USP40: variants seen among roughly 807,000 people sequenced by gnomAD.
The protein encoded by USP40 is ubiquitin specific peptidase 40.
A neutral mutation model predicts 166.2 loss-of-function variants in USP40; 143 were observed. The observed-to-expected ratio is 0.86, with a 90% confidence interval of 0.75 to 0.99. The LOEUF (loss-of-function observed/expected upper bound fraction) is 0.99, where lower values mean the gene tolerates loss of function less well. Ranked by LOEUF, USP40 falls within the 50% of genes least tolerant of loss-of-function variation. The pLI is 0.00. For synonymous variants in USP40, 498 were observed against 524.0 expected, an observed-to-expected ratio of 0.95 and a Z score of 0.68; for missense variants, 1,444 against 1,479.7, an observed-to-expected ratio of 0.98 and a Z score of 0.40.
intron 19 of USP40, chr2:233,512,263 G>A (rs1240949513): frequency 3.5e-5 from 7 of 199,438 alleles, no homozygotes; most frequent in Non-Finnish European, 5.0e-5. Flanking sequence ...AATTGGTATC[G>A]CAATAAAATT....
chr2:233,508,555 C>A (rs1428749318), intron 21 of USP40, among the ~76,000 whole-genome samples: 1 of 152,086 alleles, frequency 6.6e-6, no homozygotes, highest in Non-Finnish European at 1.5e-5. Flanking sequence ...GGGTATTGTT[C>A]TGAATTTCTA....
In USP40 at chr2:233,554,614, GAT is replaced by G. The variant is rs1203026884; in HGVS notation, c.547-90_547-89del. 17 of 1,054,048 alleles carry G rather than the reference GAT, an allele frequency of 1.6e-5. No individual in the cohort carries two copies. The East Asian group carries it at 4.5e-4, about 28-fold the overall frequency. 65.3% of individuals were successfully genotyped at this position (1,054,048 alleles called of 1,614,324 possible). On this transcript the variant is annotated intron_variant, in intron 5 of 31. Transcript: ENST00000678225. Reference sequence around the variant, plus strand: ...CTCACATATATATTGGGAATAATCAGATATATGTTTTCTAAAACATTACAAAT... The same window carrying G: ...CTCACATATATATTGGGAATAATCAGATATGTTTTCTAAAACATTACAAAT...
At chr2:233,537,900 A>G (rs1027420906) in intron 10 of USP40, among the ~76,000 whole-genome samples, 1 of 152,162 alleles carries the variant, frequency 6.6e-6, no homozygotes, top group Non-Finnish European at 1.5e-5. Context: ...AATACGAAAC[A>G]CTATTCTTTC....
At chr2:233,511,643 G>A (rs1009432323) in intron 20 of USP40, 66 bp downstream of exon 20, 1 of 1,234,288 alleles carries the variant, frequency 8.1e-7, no homozygotes, top group Non-Finnish European at 1.1e-6. Flanking sequence ...GAGTAGCTAA[G>A]GTACTAGTTA....
chr2:233,540,566 C>A, intron 10 of USP40, 96 bp downstream of exon 10: 1 of 695,152 alleles, frequency 1.4e-6, no homozygotes, highest in South Asian at 2.3e-5. Flanking sequence ...TTATTTTCAC[C>A]TATTTTAAAT....
At chr2:233,488,921 A>G (rs534870379) in intron 27 of USP40, among the ~76,000 whole-genome samples, 2 of 152,252 alleles carry the variant, frequency 1.3e-5, no homozygotes, top group African/African-American at 2.4e-5. Context: ...GAAAAGAAAG[A>G]AAAGGAAAGA....
At chr2:233,516,687 C>CGAATTG (rs2067220814) in intron 18 of USP40, among the ~76,000 whole-genome samples, 1 of 109,122 alleles carries the variant, frequency 9.2e-6, no homozygotes. Context: ...GACTCCATCT[C>CGAATTG]AAAAAAAAAA....
In USP40 at chr2:233,549,108, T is replaced by G. The variant is rs748597775; in HGVS notation, c.959A>C (p.Gln320Pro). 74 of 1,596,310 alleles carry G rather than the reference T, an allele frequency of 4.6e-5. No homozygotes were observed. In the East Asian group the frequency reaches 1.6e-3, roughly 34 times the overall value. Reference sequence around the variant, plus strand: ...ACGAATTTCTATACGTACTTGAAACTGCCAGTTTCCCAAATGATCAACATC... The same window carrying G: ...ACGAATTTCTATACGTACTTGAAACGGCCAGTTTCCCAAATGATCAACATC... ...IKDVDHLGNW[Q>P]FQEEKSKPDV... Residue 320 changes from glutamine to proline, a missense_variant, in exon 8 of 32, where the codon CAG becomes CCG. By Grantham distance (76) the Gln-to-Pro change is moderately conservative. Transcript: ENST00000678225.
At chr2:233,517,394 T>TG (rs979093942) in intron 18 of USP40, among the ~76,000 whole-genome samples, 2 of 147,904 alleles carry the variant, frequency 1.4e-5, no homozygotes, top group African/African-American at 2.5e-5. Context: ...TTGTTTTTTT[T>TG]TTTTTTTTGA....
chr2:233,518,210 T>G (rs531593519), intron 18 of USP40, among the ~76,000 whole-genome samples: 7 of 87,508 alleles, frequency 8.0e-5, no homozygotes, highest in East Asian at 2.5e-4. Flanking sequence ...TCAAAATATG[T>G]TTTTTTTTTT....
At chr2:233,525,411 T>C in intron 14 of USP40, 67 bp downstream of exon 14, 1 of 1,178,264 alleles carries the variant, frequency 8.5e-7, no homozygotes, top group Non-Finnish European at 1.3e-6. Flanking sequence ...GAGTAGAAAA[T>C]CGCAGGTGAG....
rs185435976 is a variant in USP40, at chr2:233,486,239, C to T, written c.3198-262G>A. ...GACGTGGTAGGGAACTTCCTCAGTG[C>T]GGGAGAAAAGGAAAGAGGTGGCGGC... On this transcript the variant is annotated intron_variant, in intron 28 of 31. Transcript: ENST00000678225. This position sits in a 1 kb window ranked among gnomAD's most constrained non-coding sequence, Gnocchi z 4.0. Among the ~76,000 whole-genome samples, 3 of 152,122 alleles carry T rather than the reference C, an allele frequency of 2.0e-5. No individual in the cohort carries two copies. The highest frequency in any genetic ancestry group is 1.9e-4 in the East Asian group (1 of 5,178).
chr2:233,519,714 G>A (rs1575279767), intron 17 of USP40, 43 bp from the exon 18 acceptor site: 1 of 1,121,088 alleles, frequency 8.9e-7, no homozygotes, highest in Non-Finnish European at 1.3e-6. Context: ...GTAAAAAATG[G>A]GAGGAGATGA....
intron 10 of USP40, among the ~76,000 whole-genome samples, 164 bp downstream of exon 10, chr2:233,540,494 CAGTA>C (rs1190133323): frequency 3.3e-5 from 5 of 152,232 alleles, no homozygotes; most frequent in Middle Eastern, 3.4e-3. Context: ...ATAAATAACT[CAGTA>C]AGTAATACTT....
chr2:233,510,273 C>G (rs112698724), intron 20 of USP40, 138 bp from the exon 21 acceptor site: 1 of 632,062 alleles, frequency 1.6e-6, no homozygotes, highest in African/African-American at 1.9e-5. Flanking sequence ...GAAAATACGA[C>G]TATGATTAAT....
At chr2:233,494,526 T>C (rs2065541338) in intron 24 of USP40, among the ~76,000 whole-genome samples, 1 of 152,070 alleles carries the variant, frequency 6.6e-6, no homozygotes, top group Non-Finnish European at 1.5e-5. Flanking sequence ...TTCTTACAAA[T>C]TGTTTATGGG....
chr2:233,506,793 C>T lies in USP40; in HGVS notation c.2613+3256G>A, dbSNP rs1338235436. ...GGGCATAGTAGCATATACCTGCGAT[C>T]CCAGCTACTTCGGAGGCTGAGATGG... On this transcript the variant is annotated intron_variant, in intron 21 of 31. Coordinates refer to ENST00000678225, the MANE Select transcript of USP40 (RefSeq NM_001365479.2). 6.0e-5 allele frequency among the ~76,000 whole-genome samples: 9 copies of T among 150,672 alleles called. No homozygotes were observed. In the East Asian group the frequency reaches 1.7e-3, roughly 29 times the overall value.
At chr2:233,540,586 CA>C (rs1174693939) in intron 10 of USP40, 75 bp downstream of exon 10, 1 of 854,058 alleles carries the variant, frequency 1.2e-6, no homozygotes, top group Non-Finnish European at 1.9e-6. Context: ...TATCCTTCTG[CA>C]AAGGAATTCA....
intron 2 of USP40, among the ~76,000 whole-genome samples, chr2:233,564,542 T>C (rs977009716): frequency 6.6e-6 from 1 of 152,134 alleles, no homozygotes; most frequent in Admixed American, 6.6e-5. Context: ...CTTCCTGCAG[T>C]TGATTTCTGA....
Sources: gnomAD v4.1 joint callset for allele counts (sites outside exome capture counted in the v4.1 genomes callset) on GRCh38, gnomAD v4.1.1 for gene constraint, Gnocchi (gnomAD v3.1) non-coding constraint, MANE v1.5 for transcripts, NCBI Gene and HGNC (gene_info 2026-07-23, HGNC 2026-07-21) for gene names.